ASCC3: variants seen among roughly 807,000 people sequenced by gnomAD.
The protein encoded by ASCC3 is activating signal cointegrator 1 complex subunit 3, also known as ASC-1 complex subunit P200.
A neutral mutation model predicts 256.3 loss-of-function variants in ASCC3; 158 were observed. The observed-to-expected ratio is 0.62, with a 90% CI of 0.54 to 0.70. ASCC3 has a LOEUF of 0.70. Among genes scored for constraint, ASCC3 ranks in the 30% least tolerant of loss-of-function variants. The pLI, the probability that ASCC3 is intolerant of heterozygous loss-of-function variation, is 0.00. For missense variants in ASCC3, 2,259 were observed against 2,626.0 expected (o/e 0.86, Z 3.05); for synonymous variants, 948 against 883.4 (o/e 1.07, Z -1.30).
At chr6:100,667,267 A>G (rs1276707296) in intron 14 of ASCC3, among the ~76,000 whole-genome samples, 4 of 152,172 alleles carry the variant, frequency 2.6e-5, no homozygotes, top group African/African-American at 9.7e-5. Flanking sequence ...TAAACTGCTA[A>G]ATGGGGAAAG....
chr6:100,579,476 G>A (rs1771076608), intron 36 of ASCC3, among the ~76,000 whole-genome samples: 1 of 152,010 alleles, frequency 6.6e-6, no homozygotes, highest in Non-Finnish European at 1.5e-5. Context: ...GTAGTTTTAG[G>A]TTTCACATTC....
At chr6:100,616,668 T>C (rs918641502) in intron 30 of ASCC3, among the ~76,000 whole-genome samples, 1 of 152,184 alleles carries the variant, frequency 6.6e-6, no homozygotes, top group Non-Finnish European at 1.5e-5. Flanking sequence ...TACCTTTGGA[T>C]GATGTTGTAG....
At chr6:100,766,836 T>G (rs1562281947) in intron 9 of ASCC3, 131 bp from the exon 10 acceptor site, 6 of 1,112,762 alleles carry the variant, frequency 5.4e-6, no homozygotes, top group Non-Finnish European at 7.9e-6. Context: ...ATCTTAATAG[T>G]GATATATTAA....
intron 4 of ASCC3, among the ~76,000 whole-genome samples, chr6:100,841,686 TAA>T (rs5878648): frequency 1.6e-4 from 24 of 149,402 alleles, no homozygotes; most frequent in African/African-American, 2.0e-4. Context: ...TTGTGCATAT[TAA>T]AAAAAAAAAG....
intron 37 of ASCC3, among the ~76,000 whole-genome samples, chr6:100,519,033 A>G (rs1263984630): frequency 2.0e-5 from 3 of 152,252 alleles, no homozygotes; most frequent in Non-Finnish European, 4.4e-5. Flanking sequence ...TATTTATAAA[A>G]TGTACAAAAT....
At chr6:100,842,539 A>C (rs9399695) in intron 4 of ASCC3, among the ~76,000 whole-genome samples, 47,782 of 152,154 alleles carry the variant, frequency 0.31, 9,302 homozygotes, top group Middle Eastern at 0.48. Context: ...TCTTCTATTA[A>C]GCCAAACATT....
chr6:100,540,776 G>GA (rs1219521210), intron 36 of ASCC3, among the ~76,000 whole-genome samples: 2 of 152,124 alleles, frequency 1.3e-5, no homozygotes, highest in Non-Finnish European at 2.9e-5. Flanking sequence ...CAGTTTGGGG[G>GA]ACCTTCTTAT....
At chr6:100,593,343 C>G (rs893791949) in intron 34 of ASCC3, among the ~76,000 whole-genome samples, 2 of 151,938 alleles carry the variant, frequency 1.3e-5, no homozygotes, top group East Asian at 3.9e-4. Flanking sequence ...AAACCTCTCC[C>G]TATCATAAAA....
Position 100,607,092 on chromosome 6 carries a change from C to A in ASCC3, c.4786-4G>T, listed in dbSNP as rs749831590. ...CTGTTGCAATGATGTTCTCCATCTGCAAGTAAAAACAAAATTACAAGATGT... is the reference window on the plus strand; with the variant it reads ...CTGTTGCAATGATGTTCTCCATCTGAAAGTAAAAACAAAATTACAAGATGT... On this transcript the variant is annotated splice_polypyrimidine_tract_variant and splice_region_variant and intron_variant, in intron 30 of 41. Transcript: ENST00000369162. 1.5e-5 allele frequency: 24 copies of A among 1,612,934 alleles called. No individual in the cohort carries two copies. The African/African-American group carries it at 2.0e-4, about 13-fold the overall frequency.
At chr6:100,730,735 T>G (rs1413957756) in intron 10 of ASCC3, among the ~76,000 whole-genome samples, 3 of 152,148 alleles carry the variant, frequency 2.0e-5, no homozygotes, top group Admixed American at 2.0e-4. Flanking sequence ...ATGGCAACAG[T>G]CCCCATAATG....
rs565673956 is a variant in ASCC3 at position 100,582,600 on chromosome 6, C to T, written c.5550+7034G>A. Among the ~76,000 whole-genome samples the T allele has an allele frequency of 4.1e-4, 63 of 152,208 alleles. 1 individual carries two copies. Among genetic ancestry groups the T allele is most frequent in the Non-Finnish European group, 6.9e-4 (47 of 68,028 alleles). On this transcript the variant is annotated intron_variant, in intron 36 of 41. Transcript: ENST00000369162. ...TATTTCCTTCTCCTGCCTAAATGCC[C>T]TGGCCAGAACTTCCAACACTATGTT...
intron 13 of ASCC3, among the ~76,000 whole-genome samples, chr6:100,698,680 T>C (rs937323481): frequency 6.6e-6 from 1 of 152,104 alleles, no homozygotes; most frequent in Non-Finnish European, 1.5e-5. Context: ...ACATAAAAAA[T>C]GTTTTTAAGG....
intron 4 of ASCC3, among the ~76,000 whole-genome samples, chr6:100,815,152 T>G (rs974078106): frequency 6.6e-6 from 1 of 152,132 alleles, no homozygotes; most frequent in Admixed American, 6.5e-5. Context: ...AAATCGGGAA[T>G]GTAATCCCAC....
intron 8 of ASCC3, among the ~76,000 whole-genome samples, chr6:100,778,572 T>C (rs1562290861): frequency 6.6e-6 from 1 of 152,130 alleles, no homozygotes; most frequent in Non-Finnish European, 1.5e-5. Flanking sequence ...TGGAATTTTG[T>C]AATATACTAC....
chr6:100,742,503 C>T (rs1469045123), intron 10 of ASCC3, among the ~76,000 whole-genome samples: 1 of 152,190 alleles, frequency 6.6e-6, no homozygotes, highest in Non-Finnish European at 1.5e-5. Flanking sequence ...ATGGCAGCTG[C>T]CCCTAACTGC....
At position 100,599,416 on chromosome 6, in the gene ASCC3, C is replaced by T. The variant is rs535485966; in HGVS notation, c.5303+2394G>A. On this transcript the variant is annotated intron_variant, in intron 34 of 41. Coordinates refer to ENST00000369162, the MANE Select transcript of ASCC3 (RefSeq NM_006828.4). The stretch of plus-strand genomic sequence containing the variant: ...AGGAAGACTGAGGAAATATCACAGA[C>T]TAGAGTGAACTAGACAGGGCAACTA... Among the ~76,000 whole-genome samples the T allele has an allele frequency of 2.1e-4, 32 of 152,212 alleles. 1 individual carries two copies. In the South Asian group the frequency reaches 6.6e-3, roughly 32 times the overall value.
At chr6:100,750,044 G>A (rs1780864922) in intron 10 of ASCC3, among the ~76,000 whole-genome samples, 2 of 151,874 alleles carry the variant, frequency 1.3e-5, no homozygotes, top group Admixed American at 1.3e-4. Context: ...TTCTATTGCA[G>A]TGTTTGTGAG....
Position 100,631,116 on chromosome 6 carries a change from G to GT in ASCC3, c.4208+11dup. 1.9e-6 allele frequency: 3 copies of GT among 1,578,272 alleles called. No individual in the cohort carries two copies. Among genetic ancestry groups the GT allele is most frequent in the Non-Finnish European group, 2.6e-6 (3 of 1,149,268 alleles). On this transcript the variant is annotated intron_variant, in intron 26 of 41. Coordinates refer to ENST00000369162, the MANE Select transcript of ASCC3 (RefSeq NM_006828.4). Reference sequence around the variant, plus strand: ...TTCAAAGCGTATCTTTTGAGTAAAAGTAAGAACTTACTTTTTACCAAGTTT... The same window carrying GT: ...TTCAAAGCGTATCTTTTGAGTAAAAGTTAAGAACTTACTTTTTACCAAGTTT...
chr6:100,693,160 T>C (rs1777917820), intron 13 of ASCC3, among the ~76,000 whole-genome samples: 1 of 152,122 alleles, frequency 6.6e-6, no homozygotes, highest in African/African-American at 2.4e-5. Flanking sequence ...TTATAAGTTT[T>C]TGATACACTC....
Sources: allele counts gnomAD v4.1 joint callset (sites outside exome capture counted in the v4.1 genomes callset), GRCh38; gene constraint gnomAD v4.1.1; transcripts MANE v1.5; gene names NCBI Gene and HGNC (gene_info 2026-07-23, HGNC 2026-07-21).